XIRP2: variants seen among roughly 807,000 people sequenced by gnomAD.
XIRP2 encodes the protein xin actin-binding repeat-containing protein 2.
In XIRP2, 236 loss-of-function variants were observed where a neutral mutation model predicts 277.0. The ratio of observed to expected loss-of-function variants is 0.85; its 90% CI spans 0.77 to 0.95. The LOEUF (loss-of-function observed/expected upper bound fraction) is 0.95. Ranked by LOEUF, XIRP2 falls within the 40% of genes least tolerant of loss-of-function variation. The pLI is 0.00. For missense variants in XIRP2, 4,640 were observed against 4,157.5 expected, an observed-to-expected ratio of 1.12 and a Z score of -3.19; for synonymous variants, 1,490 against 1,416.5, an observed-to-expected ratio of 1.05 and a Z score of -1.17.
At chr2:167,040,982 G>C (rs549155428) in intron 2 of XIRP2, among the ~76,000 whole-genome samples, 2 of 152,262 alleles carry the variant, frequency 1.3e-5, no homozygotes, top group Admixed American at 1.3e-4. Context: ...CTGCCGCCCT[G>C]ACAAAGTGCA....
At chr2:166,999,669 C>G (rs1311630372) in intron 2 of XIRP2, among the ~76,000 whole-genome samples, 1 of 152,098 alleles carries the variant, frequency 6.6e-6, no homozygotes, top group African/African-American at 2.4e-5. Context: ...CATTTTAATT[C>G]TCGCTTAAAA....
chr2:166,996,931 A>C (rs180674253), intron 2 of XIRP2, among the ~76,000 whole-genome samples: 3 of 152,232 alleles, frequency 2.0e-5, no homozygotes, highest in Non-Finnish European at 2.9e-5. Flanking sequence ...TAAAGGAAAG[A>C]ATAATATTTG....
intron 2 of XIRP2, among the ~76,000 whole-genome samples, chr2:167,042,136 T>C (rs1558959386): frequency 6.6e-6 from 1 of 152,144 alleles, no homozygotes; most frequent in African/African-American, 2.4e-5. Context: ...AGACAAACAG[T>C]GCTAAGGGAA....
At chr2:167,034,456 T>C (rs1442547709) in intron 2 of XIRP2, among the ~76,000 whole-genome samples, 1 of 149,688 alleles carries the variant, frequency 6.7e-6, no homozygotes, top group Non-Finnish European at 1.5e-5. Context: ...TGAATATAGA[T>C]GGACTAAACA....
intron 2 of XIRP2, among the ~76,000 whole-genome samples, chr2:167,005,526 A>G (rs1046710739): frequency 6.6e-6 from 1 of 151,882 alleles, no homozygotes; most frequent in African/African-American, 2.4e-5. Flanking sequence ...ATTATTTAGA[A>G]TAACTGAAAA....
chr2:166,922,623 C>T (rs1685081298), intron 2 of XIRP2, among the ~76,000 whole-genome samples: 1 of 151,616 alleles, frequency 6.6e-6, no homozygotes, highest in South Asian at 2.1e-4. Flanking sequence ...GAATTCAGAA[C>T]AAATAATATA....
At chr2:166,933,087 TACAC>T (rs371099388) in intron 2 of XIRP2, among the ~76,000 whole-genome samples, 1 of 148,992 alleles carries the variant, frequency 6.7e-6, no homozygotes, top group Non-Finnish European at 1.5e-5. Context: ...CACACACACA[TACAC>T]ACACACACAC....
chr2:167,232,200 G>A (rs867700370), intron 5 of XIRP2, among the ~76,000 whole-genome samples: 13 of 151,934 alleles, frequency 8.6e-5, no homozygotes, highest in Admixed American at 2.0e-4. Flanking sequence ...AAGAAGAATC[G>A]TGGAAAGAAT....
chr2:167,214,764 T>A (rs1395134569), intron 4 of XIRP2, among the ~76,000 whole-genome samples: 5 of 152,022 alleles, frequency 3.3e-5, no homozygotes, highest in Non-Finnish European at 5.9e-5. Flanking sequence ...AGACGGGGTT[T>A]CCCCATGTTG....
At chr2:167,008,767 G>C (rs1687574369) in intron 2 of XIRP2, among the ~76,000 whole-genome samples, 1 of 151,374 alleles carries the variant, frequency 6.6e-6, no homozygotes, top group African/African-American at 2.4e-5. Context: ...CAACTTTTTA[G>C]CTGTGTTAAT....
intron 5 of XIRP2, among the ~76,000 whole-genome samples, chr2:167,233,414 A>G (rs1694813832): frequency 6.6e-6 from 1 of 151,970 alleles, no homozygotes; most frequent in South Asian, 2.1e-4. Context: ...GCTGTATAAG[A>G]TTGATACAAA....
chr2:167,176,256 G>A (rs1163673464), intron 3 of XIRP2, among the ~76,000 whole-genome samples: 1 of 152,174 alleles, frequency 6.6e-6, no homozygotes, highest in Non-Finnish European at 1.5e-5. Context: ...TTGGCCAGGG[G>A]AGGGAGTTCT....
At position 167,247,565 on chromosome 2, in the gene XIRP2, C is replaced by A. The variant is rs1559041902; in HGVS notation, c.6173C>A (p.Ser2058Ter). 6.2e-7 allele frequency: 1 copy of A among 1,613,630 alleles called. No homozygotes were observed. The highest frequency in any genetic ancestry group is 2.2e-5 in the East Asian group (1 of 44,826). The change falls in exon 9 of 11, where the codon TCA becomes TAA. Residue 2058 changes from serine to a stop codon, truncating the protein, a stop_gained. Coordinates refer to ENST00000409195, the MANE Select transcript of XIRP2 (RefSeq NM_152381.6). LOFTEE classifies it high-confidence loss of function. ...CACCATAAATCTAATGTTTTGGAAT[C>A]AGGAGACAAAACGGGTGTCTGGACT... is the stretch of plus-strand genomic sequence containing the variant. Reference protein sequence around the residue: ...NSHHKSNVLESGDKTGVWTDT... With the variant: ...NSHHKSNVLE
intron 2 of XIRP2, among the ~76,000 whole-genome samples, chr2:167,009,139 T>G (rs960260816): frequency 6.6e-6 from 1 of 151,856 alleles, no homozygotes; most frequent in African/African-American, 2.4e-5. Flanking sequence ...TGTATACATG[T>G]GCCCTGCTGG....
intron 2 of XIRP2, among the ~76,000 whole-genome samples, chr2:167,054,937 C>T (rs1268498813): frequency 6.6e-6 from 1 of 152,148 alleles, no homozygotes; most frequent in Admixed American, 6.5e-5. Flanking sequence ...GCATAACAAG[C>T]CACTCCAAAA....
At chr2:166,913,235 A>C (rs544553335) in intron 2 of XIRP2, among the ~76,000 whole-genome samples, 1 of 151,740 alleles carries the variant, frequency 6.6e-6, no homozygotes, top group South Asian at 2.1e-4. Flanking sequence ...GGCCTCCTTG[A>C]GCTGCGGTGG....
chr2:166,999,168 C>T (rs765832863), intron 2 of XIRP2, among the ~76,000 whole-genome samples: 15 of 151,888 alleles, frequency 9.9e-5, no homozygotes, highest in Non-Finnish European at 1.6e-4. Flanking sequence ...TTGAAGGATG[C>T]TTAATATATT....
chr2:167,187,628 G>T (rs1693196549), intron 3 of XIRP2: 11 of 814,484 alleles, frequency 1.4e-5, no homozygotes, highest in Non-Finnish European at 1.6e-5. Flanking sequence ...AGGTCAAATT[G>T]TAATCATTGT....
intron 2 of XIRP2, among the ~76,000 whole-genome samples, chr2:167,109,106 G>A (rs1690681796): frequency 6.6e-6 from 1 of 152,026 alleles, no homozygotes; most frequent in Admixed American, 6.6e-5. Flanking sequence ...TCACTTATAA[G>A]TGAGAACATG....
Sources: allele counts gnomAD v4.1 joint callset (sites outside exome capture counted in the v4.1 genomes callset), GRCh38; gene constraint gnomAD v4.1.1; transcripts MANE v1.5; gene names NCBI Gene and HGNC (gene_info 2026-07-23, HGNC 2026-07-21).